LNPEP: variants seen among roughly 807,000 people sequenced by gnomAD.
The protein encoded by LNPEP is leucyl and cystinyl aminopeptidase.
LNPEP carries 64 observed loss-of-function variants against 120.6 expected under a neutral mutation model. The ratio of observed to expected loss-of-function variants is 0.53; its 90% CI spans 0.43 to 0.65. LNPEP has a LOEUF of 0.65. Ranked by LOEUF, LNPEP falls within the 30% of genes least tolerant of loss-of-function variation. The pLI is 0.00. For missense variants in LNPEP, 1,057 were observed against 1,200.0 expected, an observed-to-expected ratio of 0.88 and a Z score of 1.76; for synonymous variants, 435 against 425.4, an observed-to-expected ratio of 1.02 and a Z score of -0.28.
chr5:96,969,581 T>A (rs1362024340), intron 1 of LNPEP, among the ~76,000 whole-genome samples: 1 of 151,950 alleles, frequency 6.6e-6, no homozygotes, highest in Non-Finnish European at 1.5e-5. Flanking sequence ...GAAAAATTGG[T>A]TTTGGAGATG....
chr5:96,977,251 T>C (rs1333604705), intron 1 of LNPEP, among the ~76,000 whole-genome samples: 2 of 152,026 alleles, frequency 1.3e-5, no homozygotes, highest in Admixed American at 6.6e-5. Flanking sequence ...CAAAAAAACA[T>C]AACTTTTCTT....
In LNPEP at chr5:97,022,287, T is replaced by G; in HGVS notation, c.2377-13T>G. 1 of 1,483,006 alleles carries G rather than the reference T, an allele frequency of 6.7e-7. No homozygotes were observed. Among genetic ancestry groups the G allele is most frequent in the Non-Finnish European group, 9.3e-7 (1 of 1,080,688 alleles). 91.9% of individuals were successfully genotyped at this position (1,483,006 alleles called of 1,614,324 possible). A position where few individuals can be genotyped will look rare whatever the true frequency, so the allele number is the denominator to read the frequency against. On this transcript the variant is annotated splice_polypyrimidine_tract_variant and intron_variant, in intron 13 of 17. Coordinates refer to ENST00000231368, the MANE Select transcript of LNPEP (RefSeq NM_005575.3). ...TTATTATGAAGCCATTATAATCTAT[T>G]TTGTCTCTCTAGACTAGGGTATTTA...
intron 13 of LNPEP, among the ~76,000 whole-genome samples, chr5:97,020,361 T>C (rs76592967): frequency 5.8e-4 from 88 of 152,268 alleles, no homozygotes; most frequent in African/African-American, 1.9e-3. Context: ...TGGTACATGA[T>C]TACTTGAGAT....
In LNPEP at chr5:96,979,763, T is replaced by C; in HGVS notation, c.645T>C (p.Asn215=). Residue 215 remains asparagine (N), a synonymous_variant, in exon 2 of 18, where the codon AAT becomes AAC. Transcript: ENST00000231368. ...TCATTCTTCATAGCACAGGTCATAATATTTCAAGAGTGACCTTTATGTCAG... is the reference window on the plus strand; with the variant it reads ...TCATTCTTCATAGCACAGGTCATAACATTTCAAGAGTGACCTTTATGTCAG... ...WNIILHSTGH[N]ISRVTFMSAV... is the part of the protein sequence containing the mutation. 2 of 1,614,076 alleles carry C rather than the reference T, an allele frequency of 1.2e-6. No homozygotes were observed. Among genetic ancestry groups the C allele is most frequent in the Non-Finnish European group, 1.7e-6 (2 of 1,179,960 alleles).
At chr5:96,982,402 T>A (rs1561440256) in intron 2 of LNPEP, among the ~76,000 whole-genome samples, 3 of 152,362 alleles carry the variant, frequency 2.0e-5, no homozygotes, top group Middle Eastern at 6.8e-3. Context: ...CTTCAAGTTA[T>A]TCAGCATAGA....
In LNPEP at chr5:96,992,394, T is replaced by A. The variant is rs1790410175; in HGVS notation, c.1132-621T>A. ...CAACAACTGAAAAAAAAGTTAGCTG[T>A]CCGCAGCATTGGAAGAAAAACTGGC... On this transcript the variant is annotated intron_variant, in intron 4 of 17. Transcript: ENST00000231368. Among the ~76,000 whole-genome samples, 3 of 152,182 alleles carry A rather than the reference T, an allele frequency of 2.0e-5. No individual in the cohort carries two copies. The South Asian group carries it at 6.2e-4, about 32-fold the overall frequency.
At chr5:97,022,703 C>T (rs979517301) in intron 14 of LNPEP, among the ~76,000 whole-genome samples, 3 of 150,252 alleles carry the variant, frequency 2.0e-5, no homozygotes, top group East Asian at 2.0e-4. Context: ...TAGTTACATA[C>T]GTATACATGT....
chr5:96,954,782 T>A (rs1231992945), intron 1 of LNPEP, among the ~76,000 whole-genome samples: 1 of 78,108 alleles, frequency 1.3e-5, no homozygotes, highest in African/African-American at 5.0e-5. Flanking sequence ...ATTTTTTTTT[T>A]TTTTTTTTTT....
intron 11 of LNPEP, chr5:97,010,183 C>G (rs1790891364): frequency 1.4e-6 from 1 of 718,536 alleles, no homozygotes; most frequent in South Asian, 6.3e-5. Flanking sequence ...TTCCCTCTTC[C>G]CTTTCTTCCT....
chr5:96,990,256 G>A (rs926011093), intron 4 of LNPEP, among the ~76,000 whole-genome samples: 2 of 152,126 alleles, frequency 1.3e-5, no homozygotes, highest in African/African-American at 4.8e-5. Context: ...GAAAGATGCA[G>A]GAAATGCAGT....
chr5:97,017,727 T>C (rs1388400384), intron 13 of LNPEP, among the ~76,000 whole-genome samples: 1 of 152,170 alleles, frequency 6.6e-6, no homozygotes, highest in Non-Finnish European at 1.5e-5. Flanking sequence ...TGGGGTAGTA[T>C]ATTAATTTTC....
intron 11 of LNPEP, chr5:97,010,832 G>T: frequency 2.0e-6 from 2 of 985,430 alleles, no homozygotes; most frequent in Non-Finnish European, 2.4e-6. Flanking sequence ...TACTTCCCTT[G>T]TGTGCAAAGC....
chr5:96,948,180 C>T (rs1271042137), intron 1 of LNPEP, among the ~76,000 whole-genome samples: 13 of 151,252 alleles, frequency 8.6e-5, no homozygotes, highest in Admixed American at 4.6e-4. Flanking sequence ...TGCAGTGGCA[C>T]GATCTCGGCT....
chr5:96,980,657 T>C (rs982554470), intron 2 of LNPEP, among the ~76,000 whole-genome samples: 2 of 152,192 alleles, frequency 1.3e-5, no homozygotes, highest in African/African-American at 4.8e-5. Context: ...GTTCACACAG[T>C]ATGGAGGTTA....
intron 12 of LNPEP, among the ~76,000 whole-genome samples, 194 bp downstream of exon 12, chr5:97,014,025 A>G (rs951233548): frequency 1.3e-5 from 2 of 152,200 alleles, no homozygotes; most frequent in African/African-American, 4.8e-5. Flanking sequence ...CTGAACAGTT[A>G]AATGAAACAG....
At chr5:96,943,564 G>C (rs1053710984) in intron 1 of LNPEP, among the ~76,000 whole-genome samples, 1 of 152,238 alleles carries the variant, frequency 6.6e-6, no homozygotes, top group Non-Finnish European at 1.5e-5. Flanking sequence ...TGGTACTATA[G>C]GTGTGAGCCA....
rs1294729695 is a variant in LNPEP, at chr5:97,022,430, C to T, written c.2507C>T (p.Ser836Phe). The change falls in exon 14 of 18, where the codon TCT (serine) becomes TTT (phenylalanine). Residue 836 changes from serine to phenylalanine, a missense_variant. Ser to Phe is a radical substitution (Grantham distance 155). Transcript: ENST00000231368. ...FACTHNLGNC[S>F]TTAMKLFDDW... The stretch of plus-strand genomic sequence containing the variant: ...TGCACCCACAACCTGGGGAACTGCT[C>T]TACTACTGCCATGAAACTGTTTGAT... 6.2e-7 allele frequency: 1 copy of T among 1,614,060 alleles called. No individual in the cohort carries two copies. The highest frequency in any genetic ancestry group is 1.6e-4 in the Middle Eastern group (1 of 6,062).
At position 97,028,473 on chromosome 5, in the gene LNPEP, C is replaced by A. The variant is rs1791398059; in HGVS notation, c.3018C>A (p.Val1006=). The A allele has an allele frequency of 3.8e-5, 61 of 1,613,802 alleles. No homozygotes were observed. Among genetic ancestry groups the A allele is most frequent in the Non-Finnish European group, 5.1e-5 (60 of 1,179,844 alleles). ...RLRCVQEALE[V]IQLNIQWMEK... ...GTTGTGTCCAGGAGGCTTTGGAAGTCATTCAGTTGAATATCCAGTGGATGG... is the reference window on the plus strand; with the variant it reads ...GTTGTGTCCAGGAGGCTTTGGAAGTAATTCAGTTGAATATCCAGTGGATGG... The change falls in exon 18 of 18, where the codon GTC becomes GTA. Residue 1006 remains valine (V), a synonymous_variant. Coordinates refer to ENST00000231368, the MANE Select transcript of LNPEP (RefSeq NM_005575.3).
intron 8 of LNPEP, among the ~76,000 whole-genome samples, chr5:96,998,953 A>T (rs1400079079): frequency 6.6e-6 from 1 of 152,192 alleles, no homozygotes; most frequent in Non-Finnish European, 1.5e-5. Context: ...GCAGGAATGG[A>T]ACAATGAGGT....
Sources: allele counts gnomAD v4.1 joint callset (sites outside exome capture counted in the v4.1 genomes callset), GRCh38; gene constraint gnomAD v4.1.1; transcripts MANE v1.5; gene names NCBI Gene and HGNC (gene_info 2026-07-23, HGNC 2026-07-21).